The following PRKG1 variants were observed in gnomAD, a reference collection of about 807,000 sequenced individuals.
PRKG1 encodes protein kinase cGMP-dependent 1.
PRKG1 carries 35 observed loss-of-function variants against 88.1 expected under a neutral mutation model. That is an observed-to-expected ratio of 0.40 (90% CI 0.30 to 0.53). The LOEUF is 0.53. Among genes scored for constraint, PRKG1 ranks in the 20% least tolerant of loss-of-function variants. The probability of loss-of-function intolerance (pLI) is 0.59; values close to 1 mark genes in which losing one functional copy is unlikely to be tolerated. For synonymous variants in PRKG1, 303 were observed against 292.5 expected (o/e 1.04, Z -0.37); for missense variants, 540 against 839.8 (o/e 0.64, Z 4.41).
intron 7 of PRKG1, among the ~76,000 whole-genome samples, chr10:52,101,476 C>A (rs369377460): frequency 1.3e-5 from 2 of 152,240 alleles, no homozygotes; most frequent in East Asian, 1.9e-4. Flanking sequence ...AAATCTTATT[C>A]ATACTGCATA....
chr10:51,689,715 T>A (rs1178837635), intron 3 of PRKG1, among the ~76,000 whole-genome samples: 1 of 152,160 alleles, frequency 6.6e-6, no homozygotes, highest in Non-Finnish European at 1.5e-5. Flanking sequence ...TCTGAGTAAG[T>A]GCTATACTAT....
At chr10:51,591,293 G>A (rs192669427) in intron 3 of PRKG1, among the ~76,000 whole-genome samples, 1 of 152,180 alleles carries the variant, frequency 6.6e-6, no homozygotes, top group African/African-American at 2.4e-5. Flanking sequence ...TAAAACTGTT[G>A]GTAGCTATTT....
intron 9 of PRKG1, among the ~76,000 whole-genome samples, chr10:52,208,118 G>A (rs973893981): frequency 6.6e-6 from 1 of 152,190 alleles, no homozygotes; most frequent in African/African-American, 2.4e-5. Context: ...TCTGTCTCCA[G>A]AATTTGTCTT....
chr10:51,580,349 T>C (rs1837998972), intron 3 of PRKG1, among the ~76,000 whole-genome samples: 1 of 152,174 alleles, frequency 6.6e-6, no homozygotes, highest in African/African-American at 2.4e-5. Flanking sequence ...ACATTACAAT[T>C]ATTATTCTTG....
intron 3 of PRKG1, among the ~76,000 whole-genome samples, chr10:51,615,079 C>A (rs868220623): frequency 7.7e-6 from 1 of 129,046 alleles, no homozygotes; most frequent in Non-Finnish European, 1.7e-5. Flanking sequence ...ATATATTCAA[C>A]TTTGAATATA....
intron 2 of PRKG1, among the ~76,000 whole-genome samples, chr10:51,276,636 G>A (rs1840126824): frequency 6.6e-6 from 1 of 152,078 alleles, no homozygotes; most frequent in African/African-American, 2.4e-5. Context: ...GTTGTTTCCT[G>A]ACTTTTTAAT....
chr10:51,701,064 A>G (rs1841453230), intron 3 of PRKG1, among the ~76,000 whole-genome samples: 3 of 152,214 alleles, frequency 2.0e-5, no homozygotes, highest in African/African-American at 7.2e-5. Flanking sequence ...ATTTTTTATA[A>G]GTCGAAATGT....
At chr10:51,454,555 A>C (rs2132780477) in intron 2 of PRKG1, among the ~76,000 whole-genome samples, 1 of 152,324 alleles carries the variant, frequency 6.6e-6, no homozygotes, top group South Asian at 2.1e-4. Context: ...GAGACTGGGT[A>C]ATTTATAAGG....
In PRKG1 at chr10:52,083,655, A is replaced by C. The variant is rs371874072; in HGVS notation, c.935+21024A>C. On this transcript the variant is annotated intron_variant, in intron 7 of 17. Coordinates refer to ENST00000373980, the MANE Select transcript of PRKG1 (RefSeq NM_006258.4). ...ACAAAAGTGGTTTTCTGACAGACGC[A>C]AGGGAGAGATTTATGAGAGGCAAGT... Among the ~76,000 whole-genome samples, 44 of 152,152 alleles carry C rather than the reference A, an allele frequency of 2.9e-4. 1 individual carries two copies. The East Asian group carries it at 3.7e-3, about 13-fold the overall frequency.
chr10:51,118,252 GA>G (rs1231052168), intron 1 of PRKG1, among the ~76,000 whole-genome samples: 21 of 151,498 alleles, frequency 1.4e-4, no homozygotes, highest in African/African-American at 4.8e-4. Context: ...ATGGGATTTT[GA>G]AAAAAAATAA....
chr10:51,211,784 G>T (rs1200170530), intron 2 of PRKG1, among the ~76,000 whole-genome samples: 1 of 152,080 alleles, frequency 6.6e-6, no homozygotes, highest in Non-Finnish European at 1.5e-5. Context: ...TCTTCAAGGA[G>T]AATTACAAAC....
chr10:51,613,820 G>C (rs1024000821), intron 3 of PRKG1, among the ~76,000 whole-genome samples: 3 of 151,688 alleles, frequency 2.0e-5, no homozygotes, highest in African/African-American at 7.3e-5. Context: ...TTAACTTCTA[G>C]TTTTATTCCC....
At chr10:51,563,795 G>A (rs1837531365) in intron 3 of PRKG1, among the ~76,000 whole-genome samples, 1 of 152,102 alleles carries the variant, frequency 6.6e-6, no homozygotes, top group South Asian at 2.1e-4. Context: ...CCACTATGTT[G>A]ACCTCTGCAA....
chr10:52,276,651 C>G lies in PRKG1; in HGVS notation c.1404-4138C>G, dbSNP rs552005240. 7.2e-5 allele frequency among the ~76,000 whole-genome samples: 11 copies of G among 152,300 alleles called. No homozygotes were observed. The South Asian group carries it at 2.1e-3, about 29-fold the overall frequency. ...CTCACTGGTTTTAATTGAAATGACA[C>G]AGCTGTCAAGGCATAATTCATTATT... On this transcript the variant is annotated intron_variant, in intron 12 of 17. Coordinates refer to ENST00000373980, the MANE Select transcript of PRKG1 (RefSeq NM_006258.4).
chr10:52,057,478 G>T lies in PRKG1; in HGVS notation c.840+2917G>T, dbSNP rs147734118. ...CTCCAACAGTGAACTATAAAGCACC[G>T]AAGATTCCTGCATATGTCCCTGCAG... is the stretch of plus-strand genomic sequence containing the variant. On this transcript the variant is annotated intron_variant, in intron 6 of 17. Transcript: ENST00000373980. 3.2e-3 allele frequency among the ~76,000 whole-genome samples: 486 copies of T among 152,236 alleles called. 2 individuals are homozygous for T. The highest frequency in any genetic ancestry group is 0.01 in the African/African-American group (435 of 41,574).
At chr10:51,797,259 G>A (rs1298474414) in intron 3 of PRKG1, among the ~76,000 whole-genome samples, 2 of 149,696 alleles carry the variant, frequency 1.3e-5, no homozygotes, top group African/African-American at 2.4e-5. Flanking sequence ...TAGTTATCTA[G>A]CCAAGTAAAT....
At chr10:51,884,182 C>T (rs1841505068) in intron 4 of PRKG1, among the ~76,000 whole-genome samples, 1 of 151,736 alleles carries the variant, frequency 6.6e-6, no homozygotes, top group South Asian at 2.1e-4. Flanking sequence ...CGCGGTGGCT[C>T]ACGCCTGTAA....
At chr10:51,730,251 TAA>T (rs1842240853) in intron 3 of PRKG1, among the ~76,000 whole-genome samples, 1 of 152,206 alleles carries the variant, frequency 6.6e-6, no homozygotes, top group Non-Finnish European at 1.5e-5. Flanking sequence ...CACTAATAGT[TAA>T]AGTTTGGTAG....
chr10:51,809,809 C>G (rs1839405417), intron 4 of PRKG1, among the ~76,000 whole-genome samples: 1 of 152,106 alleles, frequency 6.6e-6, no homozygotes, highest in African/African-American at 2.4e-5. Flanking sequence ...CCCATCACTC[C>G]TAGGAGAAAG....
Sources: allele counts gnomAD v4.1 joint callset (sites outside exome capture counted in the v4.1 genomes callset), GRCh38; gene constraint gnomAD v4.1.1; transcripts MANE v1.5; gene names NCBI Gene and HGNC (gene_info 2026-07-23, HGNC 2026-07-21).